SLC35E4: variants seen among roughly 807,000 people sequenced by gnomAD.
SLC35E4 encodes solute carrier family 35, member E4.
In SLC35E4, 15 loss-of-function variants were observed where a neutral mutation model predicts 19.3. The ratio of observed to expected loss-of-function variants is 0.78; its 90% confidence interval spans 0.52 to 1.20. The LOEUF is 1.20. Ranked by LOEUF, SLC35E4 falls within the 50% of genes most tolerant of loss-of-function variation. The pLI is 0.00. For missense variants in SLC35E4, 406 were observed against 472.3 expected, an observed-to-expected ratio of 0.86 and a Z score of 1.30; for synonymous variants, 219 against 219.9, an observed-to-expected ratio of 1.00 and a Z score of 0.04.
downstream of SLC35E4, chr22:30,665,673 G>A (rs893933995): frequency 7.9e-6 from 3 of 378,690 alleles, no homozygotes; most frequent in East Asian, 7.5e-5. Context: ...TACTGAAGAC[G>A]TAGTTTTGCT....
intron 2 of SLC35E4, among the ~76,000 whole-genome samples, chr22:30,658,183 G>C (rs2088384446): frequency 6.6e-6 from 1 of 151,560 alleles, no homozygotes; most frequent in Admixed American, 6.6e-5. Context: ...TAAGCAGTCT[G>C]TCTCTCCCAC....
At chr22:30,640,449 G>A (rs1243866106) in intron 1 of SLC35E4, among the ~76,000 whole-genome samples, 1 of 152,104 alleles carries the variant, frequency 6.6e-6, no homozygotes, top group East Asian at 1.9e-4. Context: ...ATGATGTGAA[G>A]CATGGTCTAT....
chr22:30,666,776 CAG>C (rs1176883584), downstream of SLC35E4: 1 of 152,080 alleles, frequency 6.6e-6, no homozygotes, highest in African/African-American at 2.4e-5. Flanking sequence ...TACAGGCAGA[CAG>C]AGCTTGAAAA....
chr22:30,658,933 A>G (rs1312978356), intron 2 of SLC35E4, among the ~76,000 whole-genome samples: 1 of 152,032 alleles, frequency 6.6e-6, no homozygotes, highest in Non-Finnish European at 1.5e-5. Flanking sequence ...TCACGAGATC[A>G]GGAGATCGAG....
Position 30,647,403 on chromosome 22 carries a change from T to TAAAAA in SLC35E4, c.*382_*386dup, listed in dbSNP as rs35362381. 2 of 151,170 alleles carry TAAAAA rather than the reference T, an allele frequency of 1.3e-5. No individual in the cohort carries two copies. 9.4% of individuals were successfully genotyped at this position (151,170 alleles called of 1,614,324 possible). A position where few individuals can be genotyped will look rare whatever the true frequency, so the allele number is the denominator to read the frequency against. On this transcript the variant is annotated 3_prime_UTR_variant, in exon 2 of 2. Transcript: ENST00000343605. ...AGACAGAGCGAGACGCTGTCTCAAT[T>TAAAAA]AAAAAAAAAAAAAAGTGGAGAACTG...
At chr22:30,666,628 A>AAAAAG, downstream of SLC35E4, among the ~76,000 whole-genome samples, 1 of 145,640 alleles carries the variant, frequency 6.9e-6, no homozygotes, top group South Asian at 2.2e-4. Context: ...TCTCAAAAAA[A>AAAAAG]AAAAAAAAAA....
chr22:30,642,652 A>G (rs1346145842), intron 1 of SLC35E4, among the ~76,000 whole-genome samples: 2 of 151,064 alleles, frequency 1.3e-5, no homozygotes, highest in African/African-American at 4.9e-5. Flanking sequence ...GAGGTAGGAG[A>G]ATCTCTTGAA....
downstream of SLC35E4, among the ~76,000 whole-genome samples, chr22:30,651,653 C>A (rs1281664201): frequency 6.6e-6 from 1 of 151,406 alleles, no homozygotes; most frequent in Non-Finnish European, 1.5e-5. Flanking sequence ...TGGAGGGGCT[C>A]AAGACAGGAG....
At chr22:30,650,514 A>G (rs2088192565), downstream of SLC35E4, among the ~76,000 whole-genome samples, 1 of 152,090 alleles carries the variant, frequency 6.6e-6, no homozygotes, top group African/African-American at 2.4e-5. Context: ...AACAAAAATA[A>G]AAAAGAACAG....
At chr22:30,663,335 T>C, downstream of SLC35E4, 2 of 1,233,362 alleles carry the variant, frequency 1.6e-6, no homozygotes, top group Non-Finnish European at 2.3e-6. Flanking sequence ...TCATCTGTTT[T>C]TTTCTGTATC....
At chr22:30,658,146 G>A (rs887858577) in intron 2 of SLC35E4, among the ~76,000 whole-genome samples, 17 of 151,256 alleles carry the variant, frequency 1.1e-4, no homozygotes, top group Non-Finnish European at 1.3e-4. Flanking sequence ...TGAATCTCTC[G>A]GGGTTCTAGT....
In SLC35E4 at chr22:30,647,333, G is replaced by A. The variant is rs1480976899; in HGVS notation, c.*302G>A. 2.9e-6 allele frequency: 1 copy of A among 350,000 alleles called. No homozygotes were observed. The highest frequency in any genetic ancestry group is 4.4e-5 in the South Asian group (1 of 22,880). 21.7% of individuals were successfully genotyped at this position (350,000 alleles called of 1,614,324 possible). ...GGATCACTTGAGCCCTGGAGATCGA[G>A]GCTGCAGTAAGCCAAGATCGCATGC... On this transcript the variant is annotated 3_prime_UTR_variant, in exon 2 of 2. Coordinates refer to ENST00000343605, the MANE Select transcript of SLC35E4 (RefSeq NM_001001479.4).
At chr22:30,642,025 G>C (rs969980878) in intron 1 of SLC35E4, among the ~76,000 whole-genome samples, 1 of 151,694 alleles carries the variant, frequency 6.6e-6, no homozygotes, top group Non-Finnish European at 1.5e-5. Flanking sequence ...TTTTTTGCTT[G>C]TTTGTTTGTT....
chr22:30,638,052 G>A (rs2087978285), intron 1 of SLC35E4, among the ~76,000 whole-genome samples: 1 of 152,070 alleles, frequency 6.6e-6, no homozygotes, highest in Admixed American at 6.6e-5. Flanking sequence ...CAGATGATGG[G>A]ACTAAGACCC....
intron 2 of SLC35E4, chr22:30,661,834 T>G (rs1332784100): frequency 6.6e-6 from 1 of 152,156 alleles, no homozygotes; most frequent in African/African-American, 2.4e-5. Flanking sequence ...TGGATCCCAG[T>G]AGTCAGCCGG....
At chr22:30,657,860 C>T (rs528397102) in intron 2 of SLC35E4, among the ~76,000 whole-genome samples, 33 of 150,658 alleles carry the variant, frequency 2.2e-4, no homozygotes, top group Middle Eastern at 3.5e-3. Flanking sequence ...GCCAAGATCA[C>T]GCCACTGCAC....
intron 2 of SLC35E4, among the ~76,000 whole-genome samples, chr22:30,660,841 A>ATTTTT (rs201034099): frequency 6.2e-5 from 9 of 144,304 alleles, no homozygotes; most frequent in Non-Finnish European, 9.2e-5. Flanking sequence ...GCATAGAACA[A>ATTTTT]TTTTTTTTTT....
chr22:30,655,007 T>C (rs1360439233), intron 2 of SLC35E4, among the ~76,000 whole-genome samples: 4 of 152,132 alleles, frequency 2.6e-5, no homozygotes, highest in African/African-American at 7.2e-5. Flanking sequence ...AAGACGACCT[T>C]GTGCAGAGGG....
intron 2 of SLC35E4, among the ~76,000 whole-genome samples, chr22:30,661,001 G>T (rs1267738651): frequency 6.6e-6 from 1 of 151,992 alleles, no homozygotes; most frequent in Non-Finnish European, 1.5e-5. Context: ...TTGCCACTAC[G>T]CCCTGCTTTC....
Sources: gnomAD v4.1 joint callset for allele counts (sites outside exome capture counted in the v4.1 genomes callset) on GRCh38, gnomAD v4.1.1 for gene constraint, MANE v1.5 for transcripts, NCBI Gene and HGNC (gene_info 2026-07-23, HGNC 2026-07-21) for gene names.